RBFOX1: variants seen among roughly 807,000 people sequenced by gnomAD.
The protein encoded by RBFOX1 is RNA binding protein fox-1 homolog 1.
A neutral mutation model predicts 57.7 loss-of-function variants in RBFOX1; 8 were observed. The ratio of observed to expected loss-of-function variants is 0.14; its 90% CI spans 0.08 to 0.25. The LOEUF (loss-of-function observed/expected upper bound fraction) is 0.25, where lower values mean the gene tolerates loss of function less well. Ranked by LOEUF, RBFOX1 falls within the 10% of genes least tolerant of loss-of-function variation. The pLI, the probability that RBFOX1 is intolerant of heterozygous loss-of-function variation, is 1.00. For missense variants in RBFOX1, 611 were observed against 548.5 expected, an observed-to-expected ratio of 1.11 and a Z score of -1.14; for synonymous variants, 326 against 222.4, an observed-to-expected ratio of 1.47 and a Z score of -4.15.
At chr16:5,327,539 A>G (rs886637051) in intron 1 of RBFOX1, among the ~76,000 whole-genome samples, 1 of 152,222 alleles carries the variant, frequency 6.6e-6, no homozygotes, top group Admixed American at 6.5e-5. Flanking sequence ...ACTTTGCAGC[A>G]GCTGCTGCTT....
intron 3 of RBFOX1, among the ~76,000 whole-genome samples, chr16:5,701,013 A>C (rs1490536725): frequency 6.6e-6 from 1 of 152,186 alleles, no homozygotes; most frequent in Non-Finnish European, 1.5e-5. Context: ...AAAAGAGGAG[A>C]TGTTCACTGC....
intron 3 of RBFOX1, among the ~76,000 whole-genome samples, chr16:6,953,527 G>T (rs953074821): frequency 6.6e-6 from 1 of 151,890 alleles, no homozygotes; most frequent in Non-Finnish European, 1.5e-5. Flanking sequence ...CTGGGATTAC[G>T]GGGGTGTGTC....
chr16:6,021,684 G>T (rs189883033), intron 1 of RBFOX1, among the ~76,000 whole-genome samples: 1 of 152,292 alleles, frequency 6.6e-6, no homozygotes, highest in African/African-American at 2.4e-5. Flanking sequence ...CACCTTAGGG[G>T]TCCAGAGAGT....
rs184671149 is a variant in RBFOX1 at position 6,892,687 on chromosome 16, G to C, written c.-15-159370G>C. Among the ~76,000 whole-genome samples, 830 of 151,778 alleles carry C rather than the reference G, an allele frequency of 5.5e-3. 16 individuals are homozygous for C. The highest frequency in any genetic ancestry group is 0.019 in the African/African-American group (796 of 41,364). ...TGTCTCGAAACAAACAAACAAAAAA[G>C]CCTGAGAGTGAAGTACAGTGCTATT... On this transcript the variant is annotated intron_variant, in intron 3 of 15. Transcript: ENST00000550418.
chr16:7,366,930 G>T (rs2097461915), intron 4 of RBFOX1, among the ~76,000 whole-genome samples: 1 of 152,086 alleles, frequency 6.6e-6, no homozygotes, highest in South Asian at 2.1e-4. Flanking sequence ...TTTTGAGCAT[G>T]TTTACTCTTT....
intron 1 of RBFOX1, among the ~76,000 whole-genome samples, chr16:6,311,651 A>C (rs1267689925): frequency 6.6e-6 from 1 of 152,206 alleles, no homozygotes; most frequent in East Asian, 1.9e-4. Context: ...AGAGATCTTC[A>C]GTGAGTCCAG....
chr16:7,301,387 G>A (rs537330617), intron 4 of RBFOX1, among the ~76,000 whole-genome samples: 1 of 152,266 alleles, frequency 6.6e-6, no homozygotes, highest in East Asian at 1.9e-4. Context: ...ATTTTGATGT[G>A]GATTTAGGTC....
At chr16:7,196,456 G>A (rs1021649641) in intron 4 of RBFOX1, among the ~76,000 whole-genome samples, 2 of 152,180 alleles carry the variant, frequency 1.3e-5, no homozygotes, top group Non-Finnish European at 2.9e-5. Flanking sequence ...AACACTGATA[G>A]TGTAGGTACC....
chr16:7,362,038 T>C (rs2097333820), intron 4 of RBFOX1, among the ~76,000 whole-genome samples: 1 of 151,618 alleles, frequency 6.6e-6, no homozygotes, highest in African/African-American at 2.4e-5. Context: ...GTACATGTGT[T>C]AGTGTGTGTG....
chr16:7,280,361 T>A (rs1568012524), intron 4 of RBFOX1, among the ~76,000 whole-genome samples: 1 of 152,188 alleles, frequency 6.6e-6, no homozygotes, highest in Non-Finnish European at 1.5e-5. Flanking sequence ...TAACAGTAGG[T>A]CATCCCCAAC....
chr16:6,590,611 G>A (rs1030360370), intron 2 of RBFOX1, among the ~76,000 whole-genome samples: 1 of 152,176 alleles, frequency 6.6e-6, no homozygotes, highest in Admixed American at 6.5e-5. Flanking sequence ...AGCTTAAGAA[G>A]CTAAATTGGC....
chr16:5,936,543 C>G (rs1391206808), intron 4 of RBFOX1, among the ~76,000 whole-genome samples: 1 of 152,166 alleles, frequency 6.6e-6, no homozygotes, highest in Non-Finnish European at 1.5e-5. Flanking sequence ...GTCAAGGAGA[C>G]TGATGTGTTT....
chr16:5,872,639 G>A (rs900138030), intron 4 of RBFOX1, among the ~76,000 whole-genome samples: 3 of 152,118 alleles, frequency 2.0e-5, no homozygotes, highest in South Asian at 2.1e-4. Flanking sequence ...AGGAGGCTGA[G>A]GTGGGAGGGT....
intron 4 of RBFOX1, among the ~76,000 whole-genome samples, chr16:7,502,851 C>A (rs2071431936): frequency 1.3e-5 from 2 of 151,916 alleles, no homozygotes; most frequent in African/African-American, 2.4e-5. Context: ...GGTGAAACTC[C>A]CTGTCTACTA....
At chr16:7,031,048 G>A (rs544499585) in intron 3 of RBFOX1, among the ~76,000 whole-genome samples, 1 of 152,312 alleles carries the variant, frequency 6.6e-6, no homozygotes, top group Admixed American at 6.5e-5. Flanking sequence ...GATGGTGTAT[G>A]ATGCTGATGC....
chr16:6,529,102 C>T (rs934229619), intron 2 of RBFOX1, among the ~76,000 whole-genome samples: 3 of 152,144 alleles, frequency 2.0e-5, no homozygotes, highest in African/African-American at 4.8e-5. Context: ...TAGCTGCCAC[C>T]TTGTTATACT....
intron 3 of RBFOX1, among the ~76,000 whole-genome samples, chr16:6,749,823 T>C (rs1486784733): frequency 6.6e-6 from 1 of 152,200 alleles, no homozygotes; most frequent in Admixed American, 6.6e-5. Context: ...ATGTTTTTAT[T>C]TCGTTTTGCT....
intron 3 of RBFOX1, among the ~76,000 whole-genome samples, chr16:7,010,724 C>T (rs1344265515): frequency 6.6e-6 from 1 of 152,016 alleles, no homozygotes; most frequent in Non-Finnish European, 1.5e-5. Flanking sequence ...CCACCACTGC[C>T]CGGCTGATTT....
intron 3 of RBFOX1, among the ~76,000 whole-genome samples, chr16:6,713,759 C>T (rs768435972): frequency 2.0e-5 from 3 of 152,190 alleles, no homozygotes; most frequent in Non-Finnish European, 4.4e-5. Context: ...TGGCTGGCAA[C>T]TCCTGCTCAC....
Sources: allele counts gnomAD v4.1 joint callset (sites outside exome capture counted in the v4.1 genomes callset), GRCh38; gene constraint gnomAD v4.1.1; transcripts MANE v1.5; gene names NCBI Gene and HGNC (gene_info 2026-07-23, HGNC 2026-07-21).